DRICH1: variants seen among roughly 807,000 people sequenced by gnomAD.
The protein encoded by DRICH1 is aspartate-rich protein 1.
DRICH1 carries 38 observed loss-of-function variants against 39.5 expected under a neutral mutation model. The ratio of observed to expected loss-of-function variants is 0.96; its 90% CI spans 0.74 to 1.26. DRICH1 has a LOEUF of 1.26. Ranked by LOEUF, DRICH1 falls within the 50% of genes most tolerant of loss-of-function variation. The probability of loss-of-function intolerance (pLI) is 0.00; values close to 1 mark genes in which losing one functional copy is unlikely to be tolerated. For synonymous variants in DRICH1, 84 were observed against 99.5 expected (o/e 0.84, Z 0.93); for missense variants, 279 against 270.4 (o/e 1.03, Z -0.22).
intron 1 of DRICH1, among the ~76,000 whole-genome samples, chr22:23,628,816 C>T (rs190658088): frequency 1.2e-4 from 18 of 152,254 alleles, no homozygotes; most frequent in Non-Finnish European, 2.1e-4. Context: ...TCTGCCCCCC[C>T]ACCAATTTCT....
At chr22:23,616,519 T>C (rs1236749699) in intron 8 of DRICH1, among the ~76,000 whole-genome samples, 34 of 152,222 alleles carry the variant, frequency 2.2e-4, no homozygotes, top group Admixed American at 4.6e-4. Context: ...TAGACCCCAC[T>C]TGAAATCTTT....
downstream of DRICH1, among the ~76,000 whole-genome samples, chr22:23,606,301 C>T (rs573712793): frequency 2.9e-4 from 44 of 152,246 alleles, 1 homozygote; most frequent in South Asian, 8.9e-3. Context: ...CCCTCCCAGG[C>T]TTCCAGCTCC....
At chr22:23,627,149 T>G (rs1266405445) in intron 1 of DRICH1, among the ~76,000 whole-genome samples, 1 of 149,972 alleles carries the variant, frequency 6.7e-6, no homozygotes, top group Non-Finnish European at 1.5e-5. Context: ...CTCGGCTCAC[T>G]GCAACCTCTG....
chr22:23,592,356 G>C, the DRICH1 span, among the ~76,000 whole-genome samples: 1 of 151,924 alleles, frequency 6.6e-6, no homozygotes, highest in Non-Finnish European at 1.5e-5. Context: ...AGTAATCAGA[G>C]AGGAGGTGGC....
chr22:23,619,738 C>T (rs1927601114), intron 5 of DRICH1, among the ~76,000 whole-genome samples: 4 of 152,218 alleles, frequency 2.6e-5, no homozygotes, highest in African/African-American at 9.7e-5. Flanking sequence ...GAAGGTTGTG[C>T]TTCTCCCTCC....
At chr22:23,606,620 G>A (rs370174394), downstream of DRICH1, among the ~76,000 whole-genome samples, 9 of 152,334 alleles carry the variant, frequency 5.9e-5, no homozygotes, top group East Asian at 5.8e-4. Context: ...GGTGGGAAGC[G>A]GGGGCTTTCT....
chr22:23,585,383 C>T, the DRICH1 span, among the ~76,000 whole-genome samples: 4 of 152,282 alleles, frequency 2.6e-5, no homozygotes, highest in South Asian at 4.2e-4. Context: ...AAGATCCTCC[C>T]GACTTGGCCT....
chr22:23,590,278 A>ATTTTTTTTTT, the DRICH1 span, among the ~76,000 whole-genome samples: 24 of 137,514 alleles, frequency 1.7e-4, no homozygotes, highest in African/African-American at 3.2e-4. Flanking sequence ...CAGCCCTTTG[A>ATTTTTTTTTT]TTTTTTTTTT....
chr22:23,599,524 G>C, the DRICH1 span, among the ~76,000 whole-genome samples: 1 of 152,216 alleles, frequency 6.6e-6, no homozygotes. Context: ...TGGGTGGTGA[G>C]CAGGGTGGCA....
At chr22:23,581,870 C>G in the DRICH1 span, among the ~76,000 whole-genome samples, 2 of 152,052 alleles carry the variant, frequency 1.3e-5, no homozygotes, top group East Asian at 3.9e-4. Flanking sequence ...TCCCAAAGTG[C>G]TGGGATCACA....
intron 6 of DRICH1, 42 bp from the exon 7 acceptor site, chr22:23,617,699 T>C (rs753081658): frequency 6.3e-7 from 1 of 1,593,458 alleles, no homozygotes; most frequent in South Asian, 1.1e-5. Context: ...TGGTTGTTTG[T>C]GACTGTGAGT....
chr22:23,603,406 C>T, the DRICH1 span, among the ~76,000 whole-genome samples: 1 of 151,954 alleles, frequency 6.6e-6, no homozygotes, highest in East Asian at 1.9e-4. Flanking sequence ...GACCTGGCTA[C>T]CCCCACTCTC....
At chr22:23,627,795 C>A (rs972571000) in intron 1 of DRICH1, among the ~76,000 whole-genome samples, 6 of 152,176 alleles carry the variant, frequency 3.9e-5, no homozygotes, top group African/African-American at 1.4e-4. Context: ...GGGGCAGCCT[C>A]CAGGATTGGT....
In DRICH1 at chr22:23,631,844, C is replaced by T; in HGVS notation, c.180G>A (p.Gln60=). Residue 60 remains glutamine (Q), a synonymous_variant, in exon 1 of 12, where the codon CAG becomes CAA. Transcript: ENST00000317749. The stretch of plus-strand genomic sequence containing the variant: ...TGGGCATCTTTTGGTTGCTGATGTG[C>T]TGCAGGTCTTGGCCCTCCGTGGCTC... ...DVGATEGQDL[Q]HISNQKMPTG... 1.2e-6 allele frequency: 2 copies of T among 1,612,348 alleles called. No individual in the cohort carries two copies. The highest frequency in any genetic ancestry group is 1.3e-5 in the African/African-American group (1 of 74,990).
At chr22:23,625,098 A>C (rs1185262991) in intron 2 of DRICH1, among the ~76,000 whole-genome samples, 194 bp from the exon 3 acceptor site, 1 of 152,212 alleles carries the variant, frequency 6.6e-6, no homozygotes, top group Non-Finnish European at 1.5e-5. Context: ...AATTTCTTTG[A>C]GGTTGATTTA....
intron 1 of DRICH1, among the ~76,000 whole-genome samples, chr22:23,627,179 T>C (rs1928118637): frequency 6.6e-6 from 1 of 151,618 alleles, no homozygotes; most frequent in Admixed American, 6.6e-5. Context: ...TTCAGGTGAT[T>C]CTCCTGCCTC....
Position 23,632,161 on chromosome 22 carries a change from C to T in DRICH1, c.-138G>A. On this transcript the variant is annotated 5_prime_UTR_variant, in exon 1 of 12. Transcript: ENST00000317749. Reference sequence around the variant, plus strand: ...CCCCAGGCAGATCTGGGTCCTCAGCCCTTATTCTGCCGCCACCTCCCAAAC... The same window carrying T: ...CCCCAGGCAGATCTGGGTCCTCAGCTCTTATTCTGCCGCCACCTCCCAAAC... 2 of 1,401,212 alleles carry T rather than the reference C, an allele frequency of 1.4e-6. No individual in the cohort carries two copies. Among genetic ancestry groups the T allele is most frequent in the African/African-American group, 2.9e-5 (2 of 69,402 alleles). The allele number at this position is 1,401,212 out of a possible 1,614,324, so 86.8% of individuals were successfully genotyped here.
chr22:23,616,759 C>T, intron 8 of DRICH1, 94 bp downstream of exon 8: 1 of 1,505,954 alleles, frequency 6.6e-7, no homozygotes, highest in Non-Finnish European at 9.2e-7. Flanking sequence ...CACCACACCC[C>T]CAATATTTTT....
chr22:23,583,244 A>G, the DRICH1 span: 46,743 of 151,696 alleles, frequency 0.31, 7,351 homozygotes, highest in African/African-American at 0.34. Context: ...CCAGCTGTCA[A>G]ATCCCCTCTG....
Sources: gnomAD v4.1 joint callset for allele counts (sites outside exome capture counted in the v4.1 genomes callset) on GRCh38, gnomAD v4.1.1 for gene constraint, MANE v1.5 for transcripts, NCBI Gene and HGNC (gene_info 2026-07-23, HGNC 2026-07-21) for gene names.